Variants in NCOA7 observed in about 807,000 individuals in gnomAD.
NCOA7 encodes the protein 140 kDa estrogen receptor-associated protein.
Under a neutral mutation model 104.3 loss-of-function variants are expected in NCOA7, and 45 were observed. The observed-to-expected ratio is 0.43, with a 90% CI of 0.34 to 0.55. The LOEUF (loss-of-function observed/expected upper bound fraction) is 0.55. Among genes scored for constraint, NCOA7 ranks in the 20% least tolerant of loss-of-function variants. The probability of loss-of-function intolerance (pLI) is 0.02; values close to 1 mark genes in which losing one functional copy is unlikely to be tolerated. For missense variants in NCOA7, 1,041 were observed against 1,119.7 expected (o/e 0.93, Z 1.00); for synonymous variants, 398 against 402.3 (o/e 0.99, Z 0.13).
rs572366024 is a variant in NCOA7, at chr6:125,854,700, A to G, written c.51-320A>G. 2.6e-5 allele frequency among the ~76,000 whole-genome samples: 4 copies of G among 152,282 alleles called. No individual in the cohort carries two copies. In the East Asian group the frequency reaches 5.8e-4, roughly 22 times the overall value. On this transcript the variant is annotated intron_variant, in intron 2 of 15. Coordinates refer to ENST00000392477, the MANE Select transcript of NCOA7 (RefSeq NM_181782.5). ...TGGCATTCTAGTAGCATAACCATAT[A>G]TTGTGATTTTTAAAAATACTCAACA...
intron 2 of NCOA7, among the ~76,000 whole-genome samples, chr6:125,819,568 A>C (rs1777963930): frequency 6.6e-6 from 1 of 152,210 alleles, no homozygotes; most frequent in African/African-American, 2.4e-5. Context: ...ATATATGCAA[A>C]ATTAGTATAT....
At chr6:125,796,750 G>T (rs1425493690) in intron 1 of NCOA7, 1 of 151,588 alleles carries the variant, frequency 6.6e-6, no homozygotes, top group Non-Finnish European at 1.5e-5. Context: ...CACTTCCCAG[G>T]TTCAAGTGAT....
At chr6:125,791,778 A>C (rs1316281501) in intron 1 of NCOA7, among the ~76,000 whole-genome samples, 1 of 152,206 alleles carries the variant, frequency 6.6e-6, no homozygotes, top group East Asian at 1.9e-4. Context: ...GTCAGCCAGC[A>C]GAGGCAGCCT....
chr6:125,864,063 A>G (rs77321476), intron 3 of NCOA7, among the ~76,000 whole-genome samples: 4,031 of 137,486 alleles, frequency 0.029, 706 homozygotes, highest in Non-Finnish European at 0.041. Flanking sequence ...CCCTTTTTGC[A>G]TACTCTTTGA....
chr6:125,834,997 G>A (rs919786393), intron 2 of NCOA7, among the ~76,000 whole-genome samples: 17 of 152,210 alleles, frequency 1.1e-4, no homozygotes, highest in African/African-American at 3.9e-4. Context: ...GCTCCAGCGG[G>A]AAGTAAGATG....
intron 13 of NCOA7, among the ~76,000 whole-genome samples, chr6:125,925,761 A>T (rs1289350361): frequency 6.6e-6 from 1 of 152,072 alleles, no homozygotes; most frequent in Non-Finnish European, 1.5e-5. Context: ...TCCTTTTATC[A>T]TTTCTGGGTT....
chr6:125,915,509 G>A (rs374731809), intron 11 of NCOA7, 29 bp downstream of exon 11: 32 of 1,612,424 alleles, frequency 2.0e-5, no homozygotes, highest in Admixed American at 3.3e-5. Context: ...TTAGACCGTC[G>A]TAGTTCCTAA....
chr6:125,882,476 G>C lies in NCOA7; in HGVS notation c.624G>C (p.Ser208=), dbSNP rs973213076. The C allele has an allele frequency of 1.9e-6, 3 of 1,613,574 alleles. No individual in the cohort carries two copies. The highest frequency in any genetic ancestry group is 2.5e-6 in the Non-Finnish European group (3 of 1,179,792). The stretch of plus-strand genomic sequence containing the variant: ...TGAAACCCATTGAAAGAGTCTTATC[G>C]TCTACTTCTGAAGAAGATGAGCCAG... The part of the protein sequence containing the change: ...KALKPIERVL[S]STSEEDEPGV... Residue 208 remains serine, a synonymous_variant, in exon 7 of 16, where the codon TCG becomes TCC. Coordinates refer to ENST00000392477, the MANE Select transcript of NCOA7 (RefSeq NM_181782.5).
At chr6:125,858,407 A>G (rs1256437429) in intron 3 of NCOA7, among the ~76,000 whole-genome samples, 2 of 152,026 alleles carry the variant, frequency 1.3e-5, no homozygotes, top group African/African-American at 4.8e-5. Context: ...TTGGGAGGCT[A>G]AGGTTAGGAG....
chr6:125,847,590 G>A (rs146909568), intron 2 of NCOA7, among the ~76,000 whole-genome samples: 300 of 152,226 alleles, frequency 2.0e-3, no homozygotes, highest in African/African-American at 6.4e-3. Flanking sequence ...TTTAAATTAT[G>A]TGTGGCTAAT....
At chr6:125,873,700 T>G in intron 3 of NCOA7, among the ~76,000 whole-genome samples, 1 of 152,226 alleles carries the variant, frequency 6.6e-6, no homozygotes, top group East Asian at 1.9e-4. Flanking sequence ...GAGCTATATA[T>G]ACTTAATTCT....
intron 9 of NCOA7, among the ~76,000 whole-genome samples, 196 bp from the exon 10 acceptor site, chr6:125,890,446 A>G (rs989965430): frequency 2.6e-5 from 4 of 152,184 alleles, no homozygotes; most frequent in Non-Finnish European, 4.4e-5. Flanking sequence ...ATGTAGTTCA[A>G]CCTGAAACAA....
At chr6:125,872,251 AAC>A (rs781169808) in intron 3 of NCOA7, among the ~76,000 whole-genome samples, 7 of 152,196 alleles carry the variant, frequency 4.6e-5, no homozygotes, top group Non-Finnish European at 1.0e-4. Context: ...AGGCTCAGCA[AAC>A]ACATATTTTT....
chr6:125,783,856 G>A (rs992406700), intron 1 of NCOA7, among the ~76,000 whole-genome samples: 2 of 152,048 alleles, frequency 1.3e-5, no homozygotes, highest in Non-Finnish European at 2.9e-5. Context: ...ATATCTTTTA[G>A]AGGGTGTTCA....
intron 10 of NCOA7, among the ~76,000 whole-genome samples, chr6:125,900,575 C>T (rs1410027928): frequency 6.6e-6 from 1 of 152,150 alleles, no homozygotes; most frequent in Non-Finnish European, 1.5e-5. Context: ...TGTATGTGTA[C>T]ATTGTGAAAT....
At chr6:125,783,955 A>C (rs886986113) in intron 1 of NCOA7, among the ~76,000 whole-genome samples, 14 of 152,216 alleles carry the variant, frequency 9.2e-5, no homozygotes, top group African/African-American at 3.4e-4. Context: ...GTTCCATATC[A>C]TTGGGCATTT....
Position 125,855,238 on chromosome 6 carries a change from T to C in NCOA7, c.269T>C (p.Ile90Thr). 6.2e-7 allele frequency: 1 copy of C among 1,600,548 alleles called. No homozygotes were observed. The highest frequency in any genetic ancestry group is 8.5e-7 in the Non-Finnish European group (1 of 1,170,538). The part of the protein sequence containing the change: ...RRTELKRYYS[I>T]DDNQNKTHDK... ...ACAGAACTAAAGAGATATTATAGTATTGGTGAGTATTCATGGCGTTACTGC... is the reference window on the plus strand; with the variant it reads ...ACAGAACTAAAGAGATATTATAGTACTGGTGAGTATTCATGGCGTTACTGC... Residue 90 changes from isoleucine (I) to threonine (T), a missense_variant and splice_region_variant, in exon 3 of 16, where the codon ATT becomes ACT. By Grantham distance (89) the Ile-to-Thr change is moderately conservative (BLOSUM62 -1). Transcript: ENST00000392477.
chr6:125,884,597 ACT>A (rs1434540780), intron 7 of NCOA7, among the ~76,000 whole-genome samples: 3 of 152,032 alleles, frequency 2.0e-5, no homozygotes, highest in African/African-American at 7.2e-5. Flanking sequence ...AGCTATATTC[ACT>A]CTGGCTACAA....
intron 14 of NCOA7, 104 bp from the exon 15 acceptor site, chr6:125,928,070 G>C: frequency 9.3e-7 from 1 of 1,070,630 alleles, no homozygotes; most frequent in African/African-American, 1.6e-5. Context: ...TCCGTCAATG[G>C]GGTGAGGTGG....
Sources: allele counts gnomAD v4.1 joint callset (sites outside exome capture counted in the v4.1 genomes callset), GRCh38; gene constraint gnomAD v4.1.1; transcripts MANE v1.5; gene names NCBI Gene and HGNC (gene_info 2026-07-23, HGNC 2026-07-21).